PDE7B: variants seen among roughly 807,000 people sequenced by gnomAD.
PDE7B encodes phosphodiesterase 7B, also known as 3',5'-cyclic-AMP phosphodiesterase 7B.
In PDE7B, 29 loss-of-function variants were observed where a neutral mutation model predicts 56.2. The ratio of observed to expected loss-of-function variants is 0.52; its 90% CI spans 0.38 to 0.70. The LOEUF (loss-of-function observed/expected upper bound fraction) is 0.70, where lower values mean the gene tolerates loss of function less well. PDE7B is among the 30% of genes least tolerant of loss of function. The pLI is 0.00. For synonymous variants in PDE7B, 197 were observed against 196.9 expected (o/e 1.00, Z 0.00); for missense variants, 490 against 565.0 (o/e 0.87, Z 1.35).
chr6:136,027,140 C>A (rs1490778574), intron 2 of PDE7B, among the ~76,000 whole-genome samples: 1 of 152,198 alleles, frequency 6.6e-6, no homozygotes, highest in Non-Finnish European at 1.5e-5. Flanking sequence ...GTGCCCCAAC[C>A]TCAAACTTCC....
chr6:135,853,644 T>A (rs75263167), intron 1 of PDE7B, among the ~76,000 whole-genome samples: 6,213 of 152,336 alleles, frequency 0.041, 154 homozygotes, highest in South Asian at 0.082. Flanking sequence ...GTAAGCTGTC[T>A]AATTTCAGAA....
chr6:136,132,629 A>C (rs1463170878), intron 3 of PDE7B, among the ~76,000 whole-genome samples: 1 of 152,146 alleles, frequency 6.6e-6, no homozygotes, highest in Non-Finnish European at 1.5e-5. Context: ...CAATATTTTG[A>C]TTCCATCACC....
chr6:135,927,880 A>G (rs868623721), intron 1 of PDE7B, among the ~76,000 whole-genome samples: 11 of 152,226 alleles, frequency 7.2e-5, no homozygotes, highest in African/African-American at 2.7e-4. Flanking sequence ...ATATATTCCC[A>G]AATTATGCAC....
chr6:136,012,063 C>CT (rs1775903715), intron 2 of PDE7B, among the ~76,000 whole-genome samples: 1 of 152,148 alleles, frequency 6.6e-6, no homozygotes, highest in African/African-American at 2.4e-5. Context: ...TGAACAACCC[C>CT]TTTAACTTCC....
intron 2 of PDE7B, among the ~76,000 whole-genome samples, chr6:136,039,934 C>T (rs1776387341): frequency 6.6e-6 from 1 of 152,168 alleles, no homozygotes; most frequent in Non-Finnish European, 1.5e-5. Flanking sequence ...AAACTGCACC[C>T]TTTGATAAAA....
At chr6:135,928,471 A>T (rs1583777138) in intron 1 of PDE7B, among the ~76,000 whole-genome samples, 1 of 67,970 alleles carries the variant, frequency 1.5e-5, no homozygotes, top group Non-Finnish European at 3.0e-5. Flanking sequence ...ATATTTATTT[A>T]TATATATATA....
chr6:136,124,206 G>A (rs1184522499), intron 3 of PDE7B, among the ~76,000 whole-genome samples: 1 of 151,976 alleles, frequency 6.6e-6, no homozygotes. Context: ...ACTCAAAGGT[G>A]AATTCAGGGC....
chr6:136,054,461 T>C (rs1304225029), intron 2 of PDE7B, among the ~76,000 whole-genome samples: 1 of 152,226 alleles, frequency 6.6e-6, no homozygotes, highest in Non-Finnish European at 1.5e-5. Flanking sequence ...ACTGTAGACT[T>C]GTAGTATAGT....
At chr6:136,048,636 T>C (rs759061431) in intron 2 of PDE7B, among the ~76,000 whole-genome samples, 1 of 152,106 alleles carries the variant, frequency 6.6e-6, no homozygotes, top group Non-Finnish European at 1.5e-5. Flanking sequence ...GTTTATCCTA[T>C]AGGGATAAGA....
At chr6:135,944,663 A>T (rs914262097) in intron 1 of PDE7B, among the ~76,000 whole-genome samples, 4 of 152,120 alleles carry the variant, frequency 2.6e-5, no homozygotes, top group Admixed American at 6.5e-5. Flanking sequence ...CTGTTAAGGA[A>T]TGCATGCTTC....
At chr6:136,128,561 CCA>C (rs924645877) in intron 3 of PDE7B, among the ~76,000 whole-genome samples, 14 of 151,834 alleles carry the variant, frequency 9.2e-5, no homozygotes, top group African/African-American at 3.2e-4. Context: ...TGGGACCCCC[CCA>C]CCCCTGGGCA....
intron 1 of PDE7B, among the ~76,000 whole-genome samples, chr6:135,916,392 C>CTTTTCTTTCTTTTT (rs1773943323): frequency 2.1e-5 from 2 of 96,346 alleles, no homozygotes; most frequent in Admixed American, 1.3e-4. Context: ...TCTTTTCTTT[C>CTTTTCTTTCTTTTT]TTTTTTTTTT....
At position 136,151,152 on chromosome 6, in the gene PDE7B, T is replaced by C. The variant is rs755942591; in HGVS notation, c.383-8T>C. 6.5e-7 allele frequency: 1 copy of C among 1,535,734 alleles called. No individual in the cohort carries two copies. The highest frequency in any genetic ancestry group is 2.2e-5 in the East Asian group (1 of 44,500). ...AATTAGTTAAAGGAAGTGACTGTTTTCCTGCAGGAAACAGCCTGGTAACAC... is the reference window on the plus strand; with the variant it reads ...AATTAGTTAAAGGAAGTGACTGTTTCCCTGCAGGAAACAGCCTGGTAACAC... On this transcript the variant is annotated splice_polypyrimidine_tract_variant and splice_region_variant and intron_variant, in intron 5 of 12. Coordinates refer to ENST00000308191, the MANE Select transcript of PDE7B (RefSeq NM_018945.4).
At chr6:136,093,897 C>A (rs1320326606) in intron 2 of PDE7B, 1 of 152,300 alleles carries the variant, frequency 6.6e-6, no homozygotes, top group East Asian at 1.9e-4. Flanking sequence ...ATTCAAAATT[C>A]TCCTGTCTTC....
chr6:136,009,897 A>T (rs928238436), intron 2 of PDE7B, among the ~76,000 whole-genome samples: 28 of 152,106 alleles, frequency 1.8e-4, no homozygotes, highest in African/African-American at 6.5e-4. Flanking sequence ...TCAAAAAACT[A>T]ACTCCTGGAA....
intron 2 of PDE7B, chr6:136,046,170 A>G (rs1192443280): frequency 6.6e-6 from 1 of 152,162 alleles, no homozygotes; most frequent in African/African-American, 2.4e-5. Flanking sequence ...GGCCTAGAGC[A>G]CCCAGGAAAA....
At chr6:135,957,025 G>A (rs1312126233) in intron 2 of PDE7B, among the ~76,000 whole-genome samples, 6 of 152,038 alleles carry the variant, frequency 3.9e-5, no homozygotes, top group Non-Finnish European at 7.4e-5. Flanking sequence ...GATGGTGAGA[G>A]GAAAGAGGAG....
At chr6:136,130,924 A>G (rs573076777) in intron 3 of PDE7B, among the ~76,000 whole-genome samples, 2 of 152,318 alleles carry the variant, frequency 1.3e-5, no homozygotes, top group East Asian at 3.9e-4. Flanking sequence ...ATTTATTACC[A>G]TGAGAACAGT....
intron 1 of PDE7B, among the ~76,000 whole-genome samples, chr6:135,863,584 G>A (rs9494403): frequency 0.035 from 5,337 of 152,000 alleles, 241 homozygotes; most frequent in African/African-American, 0.11. Flanking sequence ...CTCCATAAGG[G>A]AGGAGGATGA....
Sources: allele counts gnomAD v4.1 joint callset (sites outside exome capture counted in the v4.1 genomes callset), GRCh38; gene constraint gnomAD v4.1.1; transcripts MANE v1.5; gene names NCBI Gene and HGNC (gene_info 2026-07-23, HGNC 2026-07-21).